Variants in PCDHA4 observed in about 807,000 individuals in gnomAD.
PCDHA4 encodes the protein protocadherin alpha 4, also known as protocadherin alpha-4.
Under a neutral mutation model 61.4 loss-of-function variants are expected in PCDHA4, and 49 were observed. The ratio of observed to expected loss-of-function variants is 0.80; its 90% confidence interval spans 0.63 to 1.01. The LOEUF is 1.01. Among genes scored for constraint, PCDHA4 ranks in the 50% least tolerant of loss-of-function variants. The pLI is 0.00. For missense variants in PCDHA4, 1,254 were observed against 1,235.8 expected, an observed-to-expected ratio of 1.01 and a Z score of -0.22; for synonymous variants, 590 against 550.3, an observed-to-expected ratio of 1.07 and a Z score of -1.01.
chr5:140,825,623 T>G (rs911523247), intron 1 of PCDHA4: 1 of 151,926 alleles, frequency 6.6e-6, no homozygotes, highest in African/African-American at 2.4e-5. Flanking sequence ...GGTTTCACCA[T>G]GTTGGTCATG....
chr5:141,008,515 A>G (rs1430400139), intron 3 of PCDHA4, among the ~76,000 whole-genome samples: 1 of 152,126 alleles, frequency 6.6e-6, no homozygotes, highest in Non-Finnish European at 1.5e-5. Context: ...GTGTCTTCCA[A>G]TCAGACTCTT....
chr5:141,009,946 A>G lies in PCDHA4; in HGVS notation c.*9A>G, dbSNP rs781855183. On this transcript the variant is annotated 3_prime_UTR_variant, in exon 4 of 4. Transcript: ENST00000530339. ...ACAACAGTGACCAGTGAGGTCCTCA[A>G]ATGGAAACAAGCCACTTAGCCAGTT... 8.8e-6 allele frequency: 14 copies of G among 1,596,354 alleles called. No homozygotes were observed. The highest frequency in any genetic ancestry group is 1.7e-4 in the Middle Eastern group (1 of 5,948).
At chr5:140,829,666 C>T in intron 1 of PCDHA4, 2 of 1,612,840 alleles carry the variant, frequency 1.2e-6, no homozygotes, top group Non-Finnish European at 1.7e-6. Flanking sequence ...CGCTGGACCA[C>T]GAGGAGCTAG....
intron 1 of PCDHA4, among the ~76,000 whole-genome samples, chr5:140,952,242 C>A (rs1469286013): frequency 6.6e-6 from 1 of 151,750 alleles, no homozygotes; most frequent in Admixed American, 6.6e-5. Flanking sequence ...CTGCTTAGAA[C>A]TGCTGGTGGA....
At chr5:140,971,845 G>C (rs370364575) in intron 1 of PCDHA4, among the ~76,000 whole-genome samples, 1 of 151,934 alleles carries the variant, frequency 6.6e-6, no homozygotes, top group Non-Finnish European at 1.5e-5. Flanking sequence ...CAAGTCATGC[G>C]TTAAATATTT....
At chr5:140,943,376 C>G (rs2093486935) in intron 1 of PCDHA4, among the ~76,000 whole-genome samples, 1 of 150,084 alleles carries the variant, frequency 6.7e-6, no homozygotes, top group Non-Finnish European at 1.5e-5. Flanking sequence ...TTAAAATATA[C>G]AGGTAAGAAA....
intron 1 of PCDHA4, among the ~76,000 whole-genome samples, chr5:140,847,133 A>G (rs984510498): frequency 6.7e-6 from 1 of 149,740 alleles, no homozygotes; most frequent in Non-Finnish European, 1.5e-5. Flanking sequence ...CAGGAAAACC[A>G]ATGTAAGAAG....
intron 1 of PCDHA4, among the ~76,000 whole-genome samples, chr5:140,952,279 T>C (rs1222400527): frequency 6.7e-6 from 1 of 149,858 alleles, no homozygotes; most frequent in Non-Finnish European, 1.5e-5. Flanking sequence ...TTGAGGGTGG[T>C]GGCCCTCTTC....
chr5:140,968,899 A>T (rs782594245), intron 1 of PCDHA4: 7 of 1,614,130 alleles, frequency 4.3e-6, no homozygotes, highest in Non-Finnish European at 5.1e-6. Flanking sequence ...TAATAATAGC[A>T]TTAAGCACAG....
At chr5:140,821,231 G>A (rs887712288) in intron 1 of PCDHA4, among the ~76,000 whole-genome samples, 1 of 152,070 alleles carries the variant, frequency 6.6e-6, no homozygotes, top group Admixed American at 6.5e-5. Flanking sequence ...ATAGAGATGA[G>A]AAAAGTCAAA....
Position 140,946,631 on chromosome 5 carries a change from T to TATATATATATATATAC in PCDHA4, c.2386-32317_2386-32316insTATATATATATATACA, listed in dbSNP as rs57893927. On this transcript the variant is annotated intron_variant, in intron 1 of 3. Coordinates refer to ENST00000530339, the MANE Select transcript of PCDHA4 (RefSeq NM_018907.4). The stretch of plus-strand genomic sequence containing the variant: ...TGTGAAATATATATATATATATATA[T>TATATATATATATATAC]ACAATGGAATACTCATCAGCCATTA... 8.0e-3 allele frequency among the ~76,000 whole-genome samples: 1,048 copies of TATATATATATATATAC among 131,788 alleles called. 65 individuals carry two copies. Among genetic ancestry groups the TATATATATATATATAC allele is most frequent in the African/African-American group, 0.026 (735 of 28,674 alleles). The allele number at this position is 131,788 out of a possible 152,430, so 86.5% of individuals were successfully genotyped here. A position where few individuals can be genotyped will look rare whatever the true frequency, so the allele number is the denominator to read the frequency against.
At position 140,808,543 on chromosome 5, in the gene PCDHA4, T is replaced by G. The variant is rs143191768; in HGVS notation, c.1356T>G (p.Ala452=). 34,370 of 1,614,050 alleles carry G rather than the reference T, an allele frequency of 0.021. 441 individuals are homozygous for G. Among genetic ancestry groups the G allele is most frequent in the Non-Finnish European group, 0.026 (30,433 of 1,180,024 alleles). Residue 452 remains alanine (A), a synonymous_variant, in exon 1 of 4, where the codon GCT becomes GCG. Coordinates refer to ENST00000530339, the MANE Select transcript of PCDHA4 (RefSeq NM_018907.4). ...AGGTGGCTGATGTGAACGACAACGCTCCGGCGTTCGCGCAGCCCGAGTACA... is the reference window on the plus strand; with the variant it reads ...AGGTGGCTGATGTGAACGACAACGCGCCGGCGTTCGCGCAGCCCGAGTACA... ...SVEVADVNDN[A]PAFAQPEYTV...
intron 1 of PCDHA4, chr5:140,816,555 C>T (rs1554127095): frequency 6.6e-6 from 1 of 151,082 alleles, no homozygotes; most frequent in Non-Finnish European, 1.5e-5. Flanking sequence ...TTTGATTGGG[C>T]CATGTTTCCT....
At chr5:140,878,586 C>T (rs1020008029) in intron 1 of PCDHA4, among the ~76,000 whole-genome samples, 9 of 152,164 alleles carry the variant, frequency 5.9e-5, no homozygotes, top group Non-Finnish European at 1.3e-4. Context: ...TGCCCTGTGC[C>T]TATTACCAAG....
intron 1 of PCDHA4, among the ~76,000 whole-genome samples, chr5:140,901,437 C>G (rs1554189835): frequency 1.3e-5 from 2 of 152,132 alleles, no homozygotes; most frequent in Non-Finnish European, 2.9e-5. Flanking sequence ...ATATGGATAT[C>G]TAGTTTCCCA....
At chr5:140,841,206 G>A (rs1278287433) in intron 1 of PCDHA4, 13 of 1,350,372 alleles carry the variant, frequency 9.6e-6, no homozygotes, top group Admixed American at 2.4e-5. Flanking sequence ...GACAGCATCT[G>A]TCTCTAAAGG....
At chr5:140,844,643 T>C (rs1405874201) in intron 1 of PCDHA4, among the ~76,000 whole-genome samples, 1 of 149,602 alleles carries the variant, frequency 6.7e-6, no homozygotes, top group Non-Finnish European at 1.5e-5. Context: ...CATGATAATT[T>C]CATTCTTGCA....
At chr5:140,841,597 C>G (rs2150318902) in intron 1 of PCDHA4, 20 of 1,614,072 alleles carry the variant, frequency 1.2e-5, no homozygotes, top group East Asian at 2.2e-5. Context: ...GGATCGACCG[C>G]GAGGAGCTGT....
At chr5:140,959,688 T>G (rs1000595466) in intron 1 of PCDHA4, among the ~76,000 whole-genome samples, 20 of 152,318 alleles carry the variant, frequency 1.3e-4, no homozygotes, top group African/African-American at 4.8e-4. Flanking sequence ...ATAATTTCAA[T>G]AAAATGAGCT....
Sources: gnomAD v4.1 joint callset for allele counts (sites outside exome capture counted in the v4.1 genomes callset) on GRCh38, gnomAD v4.1.1 for gene constraint, MANE v1.5 for transcripts, NCBI Gene and HGNC (gene_info 2026-07-23, HGNC 2026-07-21) for gene names.